SRGAP3: variants seen among roughly 807,000 people sequenced by gnomAD.
SRGAP3 encodes the protein SLIT-ROBO Rho GTPase-activating protein 3.
A neutral mutation model predicts 121.1 loss-of-function variants in SRGAP3; 39 were observed. The observed-to-expected ratio is 0.32, with a 90% CI of 0.25 to 0.42. The LOEUF (loss-of-function observed/expected upper bound fraction) is 0.42, where lower values mean the gene tolerates loss of function less well. Ranked by LOEUF, SRGAP3 falls within the 10% of genes least tolerant of loss-of-function variation. The pLI is 1.00. For synonymous variants in SRGAP3, 601 were observed against 570.0 expected, an observed-to-expected ratio of 1.05 and a Z score of -0.77; for missense variants, 1,213 against 1,470.6, an observed-to-expected ratio of 0.82 and a Z score of 2.86.
At chr3:9,282,069 G>T (rs1251306121) in intron 3 of SRGAP3, among the ~76,000 whole-genome samples, 2 of 152,132 alleles carry the variant, frequency 1.3e-5, no homozygotes, top group Non-Finnish European at 2.9e-5. Flanking sequence ...TCCAAACCCT[G>T]TCTTCTGACA....
chr3:9,091,434 C>A (rs1947751729), intron 3 of SRGAP3, among the ~76,000 whole-genome samples: 1 of 152,158 alleles, frequency 6.6e-6, no homozygotes, highest in African/African-American at 2.4e-5. Context: ...TAAATGCCGA[C>A]AGATCCTACC....
At chr3:9,120,270 G>C (rs948339100) in intron 2 of SRGAP3, among the ~76,000 whole-genome samples, 1 of 152,216 alleles carries the variant, frequency 6.6e-6, no homozygotes, top group South Asian at 2.1e-4. Flanking sequence ...GAGGCACCAG[G>C]TGGGAATCAA....
At chr3:9,081,978 G>A (rs938753412) in intron 3 of SRGAP3, among the ~76,000 whole-genome samples, 3 of 152,218 alleles carry the variant, frequency 2.0e-5, no homozygotes, top group Non-Finnish European at 4.4e-5. Flanking sequence ...ATTAGTGCCT[G>A]ATATGGTTTG....
At chr3:9,342,983 C>T (rs542413911) in intron 1 of SRGAP3, among the ~76,000 whole-genome samples, 22 of 152,356 alleles carry the variant, frequency 1.4e-4, no homozygotes, top group African/African-American at 5.0e-4. Flanking sequence ...CTGGGCTGTC[C>T]GGGCCCACCA....
intron 1 of SRGAP3, among the ~76,000 whole-genome samples, chr3:9,244,909 AC>A (rs1425820141): frequency 6.6e-6 from 1 of 152,180 alleles, no homozygotes; most frequent in Non-Finnish European, 1.5e-5. Flanking sequence ...TTGGAGAAAC[AC>A]AGCAGACTTA....
intron 3 of SRGAP3, among the ~76,000 whole-genome samples, chr3:9,292,204 C>G (rs1204651593): frequency 6.6e-6 from 1 of 152,226 alleles, no homozygotes; most frequent in Non-Finnish European, 1.5e-5. Context: ...CAGAATCCCC[C>G]AGAGGGCCCG....
intron 1 of SRGAP3, among the ~76,000 whole-genome samples, chr3:9,153,815 A>G (rs1320903751): frequency 6.6e-6 from 1 of 152,192 alleles, no homozygotes; most frequent in Non-Finnish European, 1.5e-5. Flanking sequence ...GCACTAAATC[A>G]TGTGCATTAT....
intron 3 of SRGAP3, among the ~76,000 whole-genome samples, chr3:9,082,258 A>C (rs888755881): frequency 6.6e-6 from 1 of 152,220 alleles, no homozygotes; most frequent in Non-Finnish European, 1.5e-5. Flanking sequence ...CTTCCTGTAC[A>C]GCCTGCAGAA....
At chr3:9,319,503 C>A (rs909751569) in intron 3 of SRGAP3, among the ~76,000 whole-genome samples, 1 of 151,788 alleles carries the variant, frequency 6.6e-6, no homozygotes, top group Admixed American at 6.6e-5. Flanking sequence ...AGGAAAAAAA[C>A]CAAGAGACGG....
chr3:9,340,307 C>A (rs1955763915), intron 1 of SRGAP3, among the ~76,000 whole-genome samples: 1 of 152,176 alleles, frequency 6.6e-6, no homozygotes, highest in East Asian at 1.9e-4. Context: ...GTGCTCTCTT[C>A]CCCCTCCTGC....
intron 3 of SRGAP3, among the ~76,000 whole-genome samples, chr3:9,088,852 C>T (rs982209903): frequency 7.2e-5 from 11 of 152,156 alleles, no homozygotes; most frequent in African/African-American, 2.2e-4. Flanking sequence ...GTTTCAAGTA[C>T]GGTGGCCCCT....
At chr3:9,173,994 G>A (rs549380148) in intron 1 of SRGAP3, among the ~76,000 whole-genome samples, 20 of 150,652 alleles carry the variant, frequency 1.3e-4, no homozygotes, top group African/African-American at 4.1e-4. Flanking sequence ...GTCCATCGAC[G>A]GATGGATGGG....
chr3:9,116,012 C>A (rs1419087777), intron 2 of SRGAP3, among the ~76,000 whole-genome samples: 4 of 152,170 alleles, frequency 2.6e-5, no homozygotes, highest in Admixed American at 1.3e-4. Flanking sequence ...TCCAGGCTAC[C>A]AGAAACCTTG....
intron 1 of SRGAP3, among the ~76,000 whole-genome samples, chr3:9,334,655 C>T (rs1021642756): frequency 2.0e-5 from 3 of 152,170 alleles, no homozygotes; most frequent in Non-Finnish European, 4.4e-5. Flanking sequence ...TTCTTGAAAA[C>T]ATCCCACTCC....
chr3:9,343,217 G>A (rs2728941), intron 1 of SRGAP3, among the ~76,000 whole-genome samples: 94,859 of 152,092 alleles, frequency 0.62, 30,039 homozygotes, highest in East Asian at 0.89. Flanking sequence ...CTTCAAATGC[G>A]TATTTGAAGA....
intron 11 of SRGAP3, 57 bp from the exon 12 acceptor site, chr3:9,032,809 G>T (rs1045240335): frequency 6.6e-7 from 1 of 1,504,184 alleles, no homozygotes; most frequent in East Asian, 2.3e-5. Context: ...ACATACAACT[G>T]GGAAAGATGC....
At chr3:9,084,585 T>C (rs753780319) in intron 3 of SRGAP3, among the ~76,000 whole-genome samples, 3 of 152,218 alleles carry the variant, frequency 2.0e-5, no homozygotes, top group Non-Finnish European at 4.4e-5. Flanking sequence ...TGTAGCTTTA[T>C]TGATCAAGTC....
At chr3:9,092,170 G>A (rs1947785385) in intron 3 of SRGAP3, among the ~76,000 whole-genome samples, 1 of 151,922 alleles carries the variant, frequency 6.6e-6, no homozygotes, top group Non-Finnish European at 1.5e-5. Context: ...TGTTTATGCT[G>A]AAAGCTTCAC....
Position 8,990,650 on chromosome 3 carries a change from C to A in SRGAP3, c.2748G>T (p.Thr916=). The part of the protein sequence containing the change: ...IESPEKRRMA[T]FGSAGSINYP... The stretch of plus-strand genomic sequence containing the variant: ...AGTTGATGCTGCCAGCGCTCCCGAA[C>A]GTCGCCATCCTCCGCTTCTCAGGGC... Residue 916 remains threonine, a synonymous_variant, in exon 21 of 22, where the codon ACG becomes ACT. Transcript: ENST00000383836. 1.2e-6 allele frequency: 2 copies of A among 1,613,654 alleles called. No individual in the cohort carries two copies. The highest frequency in any genetic ancestry group is 1.7e-6 in the Non-Finnish European group (2 of 1,179,954).
Sources: gnomAD v4.1 joint callset for allele counts (sites outside exome capture counted in the v4.1 genomes callset) on GRCh38, gnomAD v4.1.1 for gene constraint, MANE v1.5 for transcripts, NCBI Gene and HGNC (gene_info 2026-07-23, HGNC 2026-07-21) for gene names.